Variants in PCNT observed in about 807,000 individuals in gnomAD.
The protein encoded by PCNT is pericentrin.
A neutral mutation model predicts 380.4 loss-of-function variants in PCNT; 319 were observed. The observed-to-expected ratio is 0.84, with a 90% CI of 0.77 to 0.92. The LOEUF is 0.92. Ranked by LOEUF, PCNT falls within the 40% of genes least tolerant of loss-of-function variation. The pLI is 0.00. For synonymous variants in PCNT, 1,845 were observed against 1,735.2 expected (o/e 1.06, Z -1.57); for missense variants, 4,400 against 4,255.3 (o/e 1.03, Z -0.95).
intron 38 of PCNT, among the ~76,000 whole-genome samples, 193 bp from the exon 39 acceptor site, chr21:46,435,711 T>G (rs527464063): frequency 2.4e-4 from 37 of 151,856 alleles, no homozygotes; most frequent in African/African-American, 8.9e-4. Context: ...CCCGGCTAAT[T>G]TTTTGTATTT....
At position 46,390,731 on chromosome 21, in the gene PCNT, A is replaced by G. The variant is rs373396073; in HGVS notation, c.3902A>G (p.Glu1301Gly). The change falls in exon 20 of 47, where the codon GAG (glutamate) becomes GGG (glycine). Residue 1301 changes from glutamate (E) to glycine (G), a missense_variant. Coordinates refer to ENST00000359568, the MANE Select transcript of PCNT (RefSeq NM_006031.6). ...FEKEFSFKNE[E>G]TAQVVRKHQE... ...AAAGAATTTAGTTTTAAGAATGAGG[A>G]GACAGCACAGGTTGTCAGGAAGCAC... 2.6e-5 allele frequency: 42 copies of G among 1,613,844 alleles called. No individual in the cohort carries two copies. The highest frequency in any genetic ancestry group is 3.6e-5 in the Non-Finnish European group (42 of 1,179,946).
intron 31 of PCNT, 66 bp from the exon 32 acceptor site, chr21:46,421,904 C>A: frequency 6.3e-7 from 1 of 1,575,176 alleles, no homozygotes; most frequent in South Asian, 1.1e-5. Context: ...CCTGCCTCTG[C>A]AGTGCGTCCC....
intron 16 of PCNT, among the ~76,000 whole-genome samples, chr21:46,383,938 G>T (rs1254716769): frequency 6.8e-6 from 1 of 146,778 alleles, no homozygotes; most frequent in Non-Finnish European, 1.5e-5. Flanking sequence ...AGTGGCAGAA[G>T]CGCATTCACA....
At chr21:46,400,905 C>T (rs1393042484) in intron 25 of PCNT, among the ~76,000 whole-genome samples, 1 of 152,158 alleles carries the variant, frequency 6.6e-6, no homozygotes, top group Non-Finnish European at 1.5e-5. Context: ...GTTCCGCTGT[C>T]GCAGGGAGGA....
chr21:46,398,337 A>G (rs2086278634), intron 24 of PCNT, 82 bp downstream of exon 24: 4 of 1,413,900 alleles, frequency 2.8e-6, no homozygotes, highest in Non-Finnish European at 3.9e-6. Context: ...CCTGCCACCC[A>G]CTCGCTTTTC....
rs78659370 is a variant in PCNT at position 46,365,347 on chromosome 21, A to G, written c.2610-1237A>G. On this transcript the variant is annotated intron_variant, in intron 14 of 46. Coordinates refer to ENST00000359568, the MANE Select transcript of PCNT (RefSeq NM_006031.6). ...GTTCTATTCACTGCCATGGGGTTCT[A>G]TTCACTGCCGTGGGGTTCTGATCAC... Among the ~76,000 whole-genome samples, 118 of 56,584 alleles carry G rather than the reference A, an allele frequency of 2.1e-3. 4 individuals are homozygous for G. Among genetic ancestry groups the G allele is most frequent in the Admixed American group, 4.8e-3 (22 of 4,580 alleles). The allele number at this position is 56,584 out of a possible 152,430, so 37.1% of individuals were successfully genotyped here.
intron 13 of PCNT, among the ~76,000 whole-genome samples, chr21:46,358,913 G>T (rs2084582459): frequency 6.6e-6 from 1 of 151,986 alleles, no homozygotes; most frequent in Admixed American, 6.6e-5. Context: ...CCATTCTCCT[G>T]CCTCAGCCTC....
intron 35 of PCNT, 62 bp downstream of exon 35, chr21:46,428,652 C>G: frequency 7.2e-7 from 1 of 1,394,516 alleles, no homozygotes; most frequent in Non-Finnish European, 9.8e-7. Context: ...CCGACACTCA[C>G]CTGTGTGGCC....
At chr21:46,413,996 T>C (rs766818147) in intron 29 of PCNT, among the ~76,000 whole-genome samples, 8 of 17,526 alleles carry the variant, frequency 4.6e-4, no homozygotes, top group African/African-American at 2.2e-3. Flanking sequence ...TTTTCTCTCT[T>C]TTTTTTTTTT....
chr21:46,349,048 T>C lies in PCNT; in HGVS notation c.1069T>C (p.Cys357Arg), dbSNP rs549300488. The C allele has an allele frequency of 1.9e-6, 3 of 1,606,304 alleles. No homozygotes were observed. Among genetic ancestry groups the C allele is most frequent in the East Asian group, 4.5e-5 (2 of 44,860 alleles). The change falls in exon 7 of 47, where the codon TGT becomes CGT. Residue 357 changes from cysteine (C) to arginine (R), a missense_variant. Transcript: ENST00000359568. ...KEDWESEKDL[C>R]LENLRKELSA... ...AGATTGGGAATCTGAAAAAGATTTA[T>C]GTTTAGAAAATCTACGCAAAGAACT...
At chr21:46,383,822 G>T (rs1362175757) in intron 16 of PCNT, among the ~76,000 whole-genome samples, 1 of 95,560 alleles carries the variant, frequency 1.0e-5, no homozygotes, top group Non-Finnish European at 2.1e-5. Context: ...GGTGTTGTGC[G>T]TTCAGTGGCG....
At chr21:46,420,715 G>C (rs1305486282) in intron 31 of PCNT, 1 of 153,110 alleles carries the variant, frequency 6.5e-6, no homozygotes, top group African/African-American at 2.4e-5. Flanking sequence ...GCATGGTGCT[G>C]GGCACCCATG....
intron 27 of PCNT, among the ~76,000 whole-genome samples, chr21:46,407,988 A>G (rs572216652): frequency 6.6e-6 from 1 of 152,348 alleles, no homozygotes; most frequent in South Asian, 2.1e-4. Flanking sequence ...ATTTTTCAGT[A>G]TAACAATTTA....
rs1200723802 is a variant in PCNT at position 46,390,803 on chromosome 21, A to C, written c.3974A>C (p.Glu1325Ala). 6.2e-7 allele frequency: 1 copy of C among 1,610,924 alleles called. No homozygotes were observed. Among genetic ancestry groups the C allele is most frequent in the Non-Finnish European group, 8.5e-7 (1 of 1,179,166 alleles). ...AAGGAGGAGAGCGCAGCAAAGGCAGAGCTGGCGCTGGAGCTGCACAAGACT... is the reference window on the plus strand; with the variant it reads ...AAGGAGGAGAGCGCAGCAAAGGCAGCGCTGGCGCTGGAGCTGCACAAGACT... ...CLKEESAAKA[E>A]LALELHKTQG... is the part of the protein sequence containing the mutation. The change falls in exon 20 of 47, where the codon GAG (glutamate) becomes GCG (alanine). Residue 1325 changes from glutamate to alanine, a missense_variant. Coordinates refer to ENST00000359568, the MANE Select transcript of PCNT (RefSeq NM_006031.6).
chr21:46,334,268 C>G lies in PCNT; in HGVS notation c.268-129C>G. On this transcript the variant is annotated intron_variant, in intron 2 of 46. Transcript: ENST00000359568. ...TAATGCGGAAGGTGCACGTTCTGAA[C>G]AGGTGGAAGTGAGCTCTACTTGTTA... is the stretch of plus-strand genomic sequence containing the variant. 1.2e-5 allele frequency: 15 copies of G among 1,248,740 alleles called. No individual in the cohort carries two copies. The South Asian group carries it at 1.7e-4, about 14-fold the overall frequency. The allele number at this position is 1,248,740 out of a possible 1,614,324, so 77.4% of individuals were successfully genotyped here.
At chr21:46,404,544 C>G (rs2086568671) in intron 27 of PCNT, among the ~76,000 whole-genome samples, 1 of 138,382 alleles carries the variant, frequency 7.2e-6, no homozygotes, top group African/African-American at 2.6e-5. Flanking sequence ...GCTACGCCTG[C>G]GTCTCCTGTA....
At chr21:46,429,374 G>T (rs2087649497) in intron 35 of PCNT, among the ~76,000 whole-genome samples, 1 of 140,404 alleles carries the variant, frequency 7.1e-6, no homozygotes, top group African/African-American at 2.9e-5. Context: ...GCACGGGCAG[G>T]GGGTGCCGGC....
At chr21:46,366,239 G>A (rs879443920) in intron 14 of PCNT, among the ~76,000 whole-genome samples, 2 of 152,162 alleles carry the variant, frequency 1.3e-5, no homozygotes, top group African/African-American at 2.4e-5. Flanking sequence ...CGGACGCTGT[G>A]GTGTGAGTAG....
intron 35 of PCNT, among the ~76,000 whole-genome samples, chr21:46,429,676 C>T (rs573018305): frequency 6.6e-6 from 1 of 152,232 alleles, no homozygotes; most frequent in African/African-American, 2.4e-5. Context: ...GAGAATTTTC[C>T]AGTAAAGCCA....
Sources: gnomAD v4.1 joint callset for allele counts (sites outside exome capture counted in the v4.1 genomes callset) on GRCh38, gnomAD v4.1.1 for gene constraint, MANE v1.5 for transcripts, NCBI Gene and HGNC (gene_info 2026-07-23, HGNC 2026-07-21) for gene names.